The following DLGAP2 variants were observed in gnomAD, a reference collection of about 807,000 sequenced individuals.
DLGAP2 encodes disks large-associated protein 2.
Under a neutral mutation model 100.3 loss-of-function variants are expected in DLGAP2, and 26 were observed. The observed-to-expected ratio is 0.26, with a 90% confidence interval of 0.19 to 0.36. The LOEUF (loss-of-function observed/expected upper bound fraction) is 0.36, where lower values mean the gene tolerates loss of function less well. DLGAP2 is among the 10% of genes least tolerant of loss of function. The pLI, the probability that DLGAP2 is intolerant of heterozygous loss-of-function variation, is 1.00. For missense variants in DLGAP2, 1,858 were observed against 1,453.2 expected, an observed-to-expected ratio of 1.28 and a Z score of -4.53; for synonymous variants, 886 against 630.1, an observed-to-expected ratio of 1.41 and a Z score of -6.08.
At chr8:1,528,594 G>C (rs944001545) in intron 4 of DLGAP2, among the ~76,000 whole-genome samples, 4 of 152,244 alleles carry the variant, frequency 2.6e-5, no homozygotes, top group Admixed American at 6.5e-5. Flanking sequence ...GAATAAATGT[G>C]ATGCTGGCTC....
chr8:1,663,152 G>A (rs901104358), intron 8 of DLGAP2, among the ~76,000 whole-genome samples: 1 of 148,654 alleles, frequency 6.7e-6, no homozygotes, highest in African/African-American at 2.5e-5. Flanking sequence ...GTGTGAGTGT[G>A]GGGGATGTGT....
At chr8:1,626,336 GCTGT>G in intron 6 of DLGAP2, among the ~76,000 whole-genome samples, 3 of 125,056 alleles carry the variant, frequency 2.4e-5, no homozygotes, top group African/African-American at 9.8e-5. Context: ...GGGTTGGACG[GCTGT>G]TCCCATCTCT....
chr8:831,293 GC>G (rs1267190812), intron 1 of DLGAP2, among the ~76,000 whole-genome samples: 1 of 148,772 alleles, frequency 6.7e-6, no homozygotes, highest in Non-Finnish European at 1.5e-5. Flanking sequence ...ATATACATGT[GC>G]CATGTTGGTT....
chr8:1,408,584 C>T (rs1357333741), intron 3 of DLGAP2, among the ~76,000 whole-genome samples: 4 of 152,186 alleles, frequency 2.6e-5, no homozygotes, highest in East Asian at 3.9e-4. Flanking sequence ...GTTAACTGTT[C>T]GGCAACTGGA....
chr8:1,039,719 G>C (rs1296885238), intron 2 of DLGAP2, among the ~76,000 whole-genome samples: 1 of 130,436 alleles, frequency 7.7e-6, no homozygotes, highest in African/African-American at 3.0e-5. Flanking sequence ...GGTTTCCGTG[G>C]TCAGCTTGGT....
At chr8:1,482,589 C>G (rs571671610) in intron 3 of DLGAP2, among the ~76,000 whole-genome samples, 16 of 152,382 alleles carry the variant, frequency 1.0e-4, no homozygotes, top group African/African-American at 3.4e-4. Flanking sequence ...GCATGGCTCG[C>G]TCTCGTGGGC....
At chr8:1,413,746 G>A (rs10093886) in intron 3 of DLGAP2, among the ~76,000 whole-genome samples, 55,369 of 152,100 alleles carry the variant, frequency 0.36, 10,682 homozygotes, top group East Asian at 0.6. Context: ...TCTTCTGCAG[G>A]TGCAATGACA....
chr8:1,472,116 C>T (rs996978485), intron 3 of DLGAP2, among the ~76,000 whole-genome samples: 2 of 152,232 alleles, frequency 1.3e-5, no homozygotes, highest in African/African-American at 2.4e-5. Flanking sequence ...AAACAAGTGC[C>T]CCTCCACAGT....
rs75422418 is a variant in DLGAP2 at position 1,087,995 on chromosome 8, G to C, written c.74-170856G>C. Among the ~76,000 whole-genome samples the C allele has an allele frequency of 9.9e-3, 1,513 of 152,358 alleles. 21 individuals carry two copies. Among genetic ancestry groups the C allele is most frequent in the African/African-American group, 0.034 (1,424 of 41,578 alleles). ...GGCCTCCTTATCCATCCTGGATAGA[G>C]CTGCACTTCACTGCGTCACAGCTCT... On this transcript the variant is annotated intron_variant, in intron 2 of 14. Transcript: ENST00000637795.
At chr8:1,317,898 CCAACAG>C in intron 3 of DLGAP2, among the ~76,000 whole-genome samples, 1 of 133,474 alleles carries the variant, frequency 7.5e-6, no homozygotes, top group African/African-American at 3.0e-5. Context: ...CAGCGTCTCT[CCAACAG>C]TGGTCTACAC....
intron 3 of DLGAP2, among the ~76,000 whole-genome samples, chr8:1,478,310 G>A (rs1372519330): frequency 6.6e-6 from 1 of 152,168 alleles, no homozygotes; most frequent in Non-Finnish European, 1.5e-5. Context: ...CAGCCAGGAG[G>A]ACACATACAG....
In DLGAP2 at chr8:1,446,511, G is replaced by A. The variant is rs890924877; in HGVS notation, c.107-54855G>A. Among the ~76,000 whole-genome samples the A allele has an allele frequency of 3.3e-5, 5 of 152,174 alleles. No individual in the cohort carries two copies. The East Asian group carries it at 5.8e-4, about 18-fold the overall frequency. On this transcript the variant is annotated intron_variant, in intron 3 of 14. Transcript: ENST00000637795. ...TTACTGTTGCCTTGTAGTATAGTTT[G>A]AAGTCAGGTAGTGTGATGCCTCCAG...
chr8:959,052 C>T (rs1799661740), intron 2 of DLGAP2, among the ~76,000 whole-genome samples: 1 of 152,140 alleles, frequency 6.6e-6, no homozygotes, highest in Admixed American at 6.5e-5. Context: ...ATGATAATAT[C>T]CACATAATTT....
chr8:1,162,908 C>T (rs530761477), intron 2 of DLGAP2, among the ~76,000 whole-genome samples: 19 of 152,318 alleles, frequency 1.2e-4, no homozygotes, highest in African/African-American at 4.6e-4. Flanking sequence ...TCCACGATGG[C>T]TTGTCCTCCG....
rs1799532839 is a variant in DLGAP2 at position 1,269,344 on chromosome 8, G to C, written c.106+10461G>C. On this transcript the variant is annotated intron_variant, in intron 3 of 14. Coordinates refer to ENST00000637795, the MANE Select transcript of DLGAP2 (RefSeq NM_001346810.2). Reference sequence around the variant, plus strand: ...TCCTGGTACGGGGAGGATGGGACCTGCTGGAAAGACCGCCCCGTGTGGCAC... The same window carrying C: ...TCCTGGTACGGGGAGGATGGGACCTCCTGGAAAGACCGCCCCGTGTGGCAC... 2.0e-5 allele frequency among the ~76,000 whole-genome samples: 3 copies of C among 152,206 alleles called. No homozygotes were observed. In the South Asian group the frequency reaches 6.2e-4, roughly 32 times the overall value.
At chr8:1,263,791 T>C (rs1273519116) in intron 3 of DLGAP2, among the ~76,000 whole-genome samples, 1 of 152,182 alleles carries the variant, frequency 6.6e-6, no homozygotes, top group East Asian at 1.9e-4. Context: ...AGGGCACCAC[T>C]GTTTCAAAGA....
intron 1 of DLGAP2, among the ~76,000 whole-genome samples, chr8:865,971 G>C (rs747547570): frequency 1.3e-5 from 2 of 152,238 alleles, no homozygotes; most frequent in Non-Finnish European, 2.9e-5. Flanking sequence ...GGCAAGGGGA[G>C]TGCTTAGTTG....
intron 3 of DLGAP2, among the ~76,000 whole-genome samples, chr8:1,465,005 T>C (rs1419209051): frequency 6.6e-6 from 1 of 152,252 alleles, no homozygotes; most frequent in Non-Finnish European, 1.5e-5. Context: ...GAGACTTCGA[T>C]GACCAAATGT....
chr8:1,694,024 G>A (rs910488841), intron 13 of DLGAP2, among the ~76,000 whole-genome samples: 1 of 152,172 alleles, frequency 6.6e-6, no homozygotes, highest in African/African-American at 2.4e-5. Context: ...CCCACACACA[G>A]CCCAAGGTGC....
Sources: allele counts gnomAD v4.1 joint callset (sites outside exome capture counted in the v4.1 genomes callset), GRCh38; gene constraint gnomAD v4.1.1; transcripts MANE v1.5; gene names NCBI Gene and HGNC (gene_info 2026-07-23, HGNC 2026-07-21).